Variants in FAM135A observed in about 807,000 individuals in gnomAD.
The protein encoded by FAM135A is protein FAM135A.
FAM135A carries 79 observed loss-of-function variants against 146.8 expected under a neutral mutation model. That is an observed-to-expected ratio of 0.54 (90% CI 0.45 to 0.65). The LOEUF (loss-of-function observed/expected upper bound fraction) is 0.65, where lower values mean the gene tolerates loss of function less well. Ranked by LOEUF, FAM135A falls within the 30% of genes least tolerant of loss-of-function variation. The pLI, the probability that FAM135A is intolerant of heterozygous loss-of-function variation, is 0.00. For synonymous variants in FAM135A, 562 were observed against 603.6 expected, an observed-to-expected ratio of 0.93 and a Z score of 1.01; for missense variants, 1,623 against 1,758.2, an observed-to-expected ratio of 0.92 and a Z score of 1.38.
chr6:70,553,500 C>T (rs1322368089), intron 20 of FAM135A, among the ~76,000 whole-genome samples: 1 of 152,076 alleles, frequency 6.6e-6, no homozygotes, highest in Non-Finnish European at 1.5e-5. Flanking sequence ...TTGAGTGGAC[C>T]TTAATATGTG....
Position 70,524,963 on chromosome 6 carries a change from A to G in FAM135A, c.1879A>G (p.Ile627Val). ...TGATATCTCCCAGGACGATAGTGAA[A>G]TTACACAAATGGAACACAATCTGGC... is the stretch of plus-strand genomic sequence containing the variant. ...KLDISQDDSE[I>V]TQMEHNLASR... is the part of the protein sequence containing the mutation. The change falls in exon 15 of 22, where the codon ATT becomes GTT. Residue 627 changes from isoleucine to valine, a missense_variant. Physicochemically the swap from Ile to Val is conservative, Grantham distance 29. Around this residue, in one of 7 missense-constraint regions of FAM135A, gnomAD observed 1,061 missense variants for 1,113.8 expected, o/e 0.95. Transcript: ENST00000418814. 3 of 1,604,852 alleles carry G rather than the reference A, an allele frequency of 1.9e-6. No individual in the cohort carries two copies. Among genetic ancestry groups the G allele is most frequent in the Non-Finnish European group, 2.5e-6 (3 of 1,176,680 alleles).
At chr6:70,447,423 A>AC (rs1776006434) in intron 4 of FAM135A, among the ~76,000 whole-genome samples, 2 of 152,262 alleles carry the variant, frequency 1.3e-5, no homozygotes, top group South Asian at 2.1e-4. Flanking sequence ...ATGTATTTGT[A>AC]CCCCTTTTAA....
intron 8 of FAM135A, among the ~76,000 whole-genome samples, chr6:70,480,609 G>A (rs1290122684): frequency 6.6e-6 from 1 of 152,032 alleles, no homozygotes; most frequent in African/African-American, 2.4e-5. Flanking sequence ...GCTTTCATTT[G>A]TTGTTTAGCT....
chr6:70,473,830 C>CA (rs1410608113), intron 5 of FAM135A, among the ~76,000 whole-genome samples: 7 of 152,158 alleles, frequency 4.6e-5, no homozygotes, highest in African/African-American at 1.7e-4. Flanking sequence ...CTCCCACCCC[C>CA]ATATGAAGTC....
intron 4 of FAM135A, among the ~76,000 whole-genome samples, chr6:70,447,528 A>G (rs754725860): frequency 2.4e-4 from 37 of 152,332 alleles, no homozygotes; most frequent in Middle Eastern, 3.4e-3. Context: ...TTCCTCAGGC[A>G]GAAGGCTCAC....
At chr6:70,477,400 T>C in intron 8 of FAM135A, 68 bp downstream of exon 8, 1 of 1,478,692 alleles carries the variant, frequency 6.8e-7, no homozygotes, top group Non-Finnish European at 9.2e-7. Flanking sequence ...CTGAGACTGG[T>C]CAATTTATAA....
intron 11 of FAM135A, among the ~76,000 whole-genome samples, chr6:70,492,390 T>C (rs1786203261): frequency 6.6e-6 from 1 of 151,742 alleles, no homozygotes; most frequent in Non-Finnish European, 1.5e-5. Context: ...TACATATATA[T>C]GTAAATATAA....
chr6:70,464,658 C>CTTTTTT lies in FAM135A; in HGVS notation c.158-10749_158-10744dup, dbSNP rs754818109. On this transcript the variant is annotated intron_variant, in intron 5 of 21. Coordinates refer to ENST00000418814, the MANE Select transcript of FAM135A (RefSeq NM_001162529.3). ...TTTAAATTTCTTTCTTTCTTTCTTTCTTTTTTTTCTTTTTTTTTTTTTTTT... is the reference window on the plus strand; with the variant it reads ...TTTAAATTTCTTTCTTTCTTTCTTTCTTTTTTTTTTTTTTCTTTTTTTTTTTTTTTT... Among the ~76,000 whole-genome samples the CTTTTTT allele has an allele frequency of 1.7e-3, 168 of 100,384 alleles. 9 individuals carry two copies. Among genetic ancestry groups the CTTTTTT allele is most frequent in the African/African-American group, 5.6e-3 (149 of 26,656 alleles). 65.9% of individuals were successfully genotyped at this position (100,384 alleles called of 152,430 possible). A position where few individuals can be genotyped will look rare whatever the true frequency, so the allele number is the denominator to read the frequency against.
chr6:70,545,080 C>CA (rs200793256), intron 20 of FAM135A, among the ~76,000 whole-genome samples: 4 of 150,460 alleles, frequency 2.7e-5, no homozygotes, highest in Non-Finnish European at 5.9e-5. Context: ...AACAAACAAA[C>CA]AAAAAAAACC....
chr6:70,487,705 A>AT (rs1784958427), intron 10 of FAM135A, among the ~76,000 whole-genome samples: 1 of 152,280 alleles, frequency 6.6e-6, no homozygotes, highest in East Asian at 1.9e-4. Context: ...AATTCATAGT[A>AT]TGAAACTGTG....
chr6:70,416,235 ATTAG>A (rs1767546872), intron 2 of FAM135A, among the ~76,000 whole-genome samples: 1 of 152,188 alleles, frequency 6.6e-6, no homozygotes, highest in African/African-American at 2.4e-5. Context: ...ATGTTCACAC[ATTAG>A]TTAATGTTCA....
At chr6:70,481,490 A>C (rs749801796) in intron 9 of FAM135A, among the ~76,000 whole-genome samples, 16 of 152,224 alleles carry the variant, frequency 1.1e-4, no homozygotes, top group Non-Finnish European at 2.4e-4. Context: ...CTCTACAAAA[A>C]ATAATGGTGG....
rs1205240940 is a variant in FAM135A at position 70,524,623 on chromosome 6, C to G, written c.1539C>G (p.Asn513Lys). 2 of 1,548,162 alleles carry G rather than the reference C, an allele frequency of 1.3e-6. No individual in the cohort carries two copies. Among genetic ancestry groups the G allele is most frequent in the Admixed American group, 2.0e-5 (1 of 50,262 alleles). Residue 513 changes from asparagine (N) to lysine (K), a missense_variant, in exon 15 of 22, where the codon AAC (asparagine) becomes AAG (lysine). By Grantham distance (94) the Asn-to-Lys change is moderately conservative. Coordinates refer to ENST00000418814, the MANE Select transcript of FAM135A (RefSeq NM_001162529.3). ...ACACAAAAAAATTAATAAAACAGAA[C>G]TCTAAGGATTCTGTGGTTTTGGTAG... ...SENTKKLIKQ[N>K]SKDSVVLVGY...
chr6:70,556,636 C>A, intron 20 of FAM135A, 114 bp from the exon 21 acceptor site: 1 of 633,244 alleles, frequency 1.6e-6, no homozygotes, highest in Non-Finnish European at 2.5e-6. Context: ...TTGACAAAGT[C>A]AGAAACTTAG....
chr6:70,557,205 A>G (rs1801015791), intron 21 of FAM135A: 1 of 395,328 alleles, frequency 2.5e-6, no homozygotes, highest in Admixed American at 4.2e-5. Flanking sequence ...GGTGGCAGCA[A>G]GGATTTGCCC....
chr6:70,558,045 T>C (rs1251000565), intron 21 of FAM135A, among the ~76,000 whole-genome samples: 3 of 152,200 alleles, frequency 2.0e-5, no homozygotes, highest in African/African-American at 7.2e-5. Flanking sequence ...ATTTTAATAG[T>C]GAGGTTCTGT....
At chr6:70,531,760 T>C (rs1320408736) in intron 16 of FAM135A, among the ~76,000 whole-genome samples, 3 of 152,194 alleles carry the variant, frequency 2.0e-5, no homozygotes, top group African/African-American at 7.2e-5. Flanking sequence ...CATTTCCCAA[T>C]AAACTTTTTT....
intron 2 of FAM135A, among the ~76,000 whole-genome samples, chr6:70,416,778 G>A (rs1156485089): frequency 1.3e-5 from 2 of 152,006 alleles, no homozygotes; most frequent in African/African-American, 4.8e-5. Context: ...GAAAGAAAGA[G>A]GAATAAGAAG....
chr6:70,468,499 C>T (rs1009221368), intron 5 of FAM135A, among the ~76,000 whole-genome samples: 2 of 152,146 alleles, frequency 1.3e-5, no homozygotes, highest in African/African-American at 4.8e-5. Context: ...TCCCATGGGA[C>T]TTGGAAGAGT....
Sources: gnomAD v4.1 joint callset for allele counts (sites outside exome capture counted in the v4.1 genomes callset) on GRCh38, gnomAD v4.1.1 for gene constraint, gnomAD v4.1.1 regional missense constraint, MANE v1.5 for transcripts, NCBI Gene and HGNC (gene_info 2026-07-23, HGNC 2026-07-21) for gene names.